Variants in LRRC27 observed in about 807,000 individuals in gnomAD.
LRRC27 encodes leucine rich repeat containing 27, also known as leucine-rich repeat-containing protein 27.
A neutral mutation model predicts 55.0 loss-of-function variants in LRRC27; 57 were observed. That is an observed-to-expected ratio of 1.04 (90% confidence interval 0.84 to 1.29). The LOEUF is 1.29. Ranked by LOEUF, LRRC27 falls within the 50% of genes most tolerant of loss-of-function variation. LRRC27 has a pLI of 0.00. For synonymous variants in LRRC27, 278 were observed against 251.9 expected (o/e 1.10, Z -0.98); for missense variants, 721 against 651.5 (o/e 1.11, Z -1.16).
chr10:132,375,476 C>T lies in LRRC27; in HGVS notation c.*234C>T, dbSNP rs1398698325. 2 of 442,020 alleles carry T rather than the reference C, an allele frequency of 4.5e-6. No homozygotes were observed. The highest frequency in any genetic ancestry group is 4.0e-5 in the East Asian group (1 of 25,078). The allele number at this position is 442,020 out of a possible 1,614,324, so 27.4% of individuals were successfully genotyped here. The stretch of plus-strand genomic sequence containing the variant: ...ACTGTGAGCACGTGGTCTCGCCTTC[C>T]CTTCTTCCTGCAGGTTCCCGCCAAG... On this transcript the variant is annotated 3_prime_UTR_variant, in exon 11 of 11. Transcript: ENST00000368614.
chr10:132,339,050 T>C (rs1008786705), intron 3 of LRRC27, among the ~76,000 whole-genome samples: 1 of 152,170 alleles, frequency 6.6e-6, no homozygotes, highest in African/African-American at 2.4e-5. Flanking sequence ...GAAGGCCCCA[T>C]ATCAGCTGGG....
intron 9 of LRRC27, among the ~76,000 whole-genome samples, chr10:132,365,059 A>G (rs2068997969): frequency 6.6e-6 from 1 of 152,284 alleles, no homozygotes; most frequent in Admixed American, 6.5e-5. Context: ...AAAACCGTGT[A>G]TTCCATGTGG....
chr10:132,345,674 G>A (rs2067648722), intron 5 of LRRC27, among the ~76,000 whole-genome samples: 1 of 152,234 alleles, frequency 6.6e-6, no homozygotes, highest in Non-Finnish European at 1.5e-5. Context: ...GTGGGGGCAG[G>A]TAGCTGAGGG....
chr10:132,333,321 T>G (rs1367069459), intron 1 of LRRC27, among the ~76,000 whole-genome samples, 156 bp from the exon 2 acceptor site: 2 of 152,092 alleles, frequency 1.3e-5, no homozygotes, highest in Non-Finnish European at 2.9e-5. Context: ...TTCCTTTTTT[T>G]TTTTTTTACA....
intron 9 of LRRC27, among the ~76,000 whole-genome samples, chr10:132,364,052 A>C (rs2068780943): frequency 1.3e-5 from 2 of 152,120 alleles, no homozygotes; most frequent in South Asian, 4.1e-4. Context: ...ACAGCAGACC[A>C]CAGTGGCCCG....
At position 132,342,194 on chromosome 10, in the gene LRRC27, GT is replaced by G; in HGVS notation, c.342-15del. The G allele has an allele frequency of 1.4e-6, 2 of 1,479,804 alleles. No individual in the cohort carries two copies. Among genetic ancestry groups the G allele is most frequent in the Non-Finnish European group, 1.8e-6 (2 of 1,103,452 alleles). 91.7% of individuals were successfully genotyped at this position (1,479,804 alleles called of 1,614,324 possible). On this transcript the variant is annotated intron_variant, in intron 3 of 10. Transcript: ENST00000368614. ...TAAATCTTGCTTTTTAAATTTTTTTGTTTTGTTTTGCTTTAAAGGCATTTGA... is the reference window on the plus strand; with the variant it reads ...TAAATCTTGCTTTTTAAATTTTTTTGTTTGTTTTGCTTTAAAGGCATTTGA...
intron 8 of LRRC27, among the ~76,000 whole-genome samples, chr10:132,356,678 C>G (rs1315434971): frequency 6.6e-6 from 1 of 152,256 alleles, no homozygotes; most frequent in Non-Finnish European, 1.5e-5. Context: ...ACAGTCCTCT[C>G]TTCCCATTTT....
rs1271379025 is a variant in LRRC27 at position 132,376,220 on chromosome 10, G to A, written c.*978G>A. The A allele has an allele frequency of 6.6e-6, 1 of 152,060 alleles. No homozygotes were observed. Among genetic ancestry groups the A allele is most frequent in the Non-Finnish European group, 1.5e-5 (1 of 68,002 alleles). The allele number at this position is 152,060 out of a possible 1,614,324, so 9.4% of individuals were successfully genotyped here. On this transcript the variant is annotated 3_prime_UTR_variant, in exon 11 of 11. Transcript: ENST00000368614. ...TTCTTGCTATGGATTTATCAATTTT[G>A]TTCCTCTTTTCCAAAAGCCCCAGGT... is the stretch of plus-strand genomic sequence containing the variant.
intron 4 of LRRC27, among the ~76,000 whole-genome samples, chr10:132,342,803 C>T (rs531964185): frequency 1.3e-5 from 2 of 152,200 alleles, no homozygotes; most frequent in South Asian, 4.1e-4. Flanking sequence ...GAAAAAATGT[C>T]TAAAATTCTG....
Position 132,348,879 on chromosome 10 carries a change from T to G in LRRC27, c.926+523T>G. The G allele has an allele frequency of 1.1e-6, 1 of 913,406 alleles. No homozygotes were observed. The allele number at this position is 913,406 out of a possible 1,614,324, so 56.6% of individuals were successfully genotyped here. The stretch of plus-strand genomic sequence containing the variant: ...CCTGGGGACAAAAGGAAGGCAGTCA[T>G]TGTGTGGCCCACTTCCAAAGCTTGC... On this transcript the variant is annotated intron_variant, in intron 6 of 10. Transcript: ENST00000368614. This position sits in a 1 kb window ranked among gnomAD's most constrained non-coding sequence, Gnocchi z 4.2.
chr10:132,357,138 G>C (rs552197157), intron 8 of LRRC27, among the ~76,000 whole-genome samples: 2 of 152,288 alleles, frequency 1.3e-5, no homozygotes, highest in East Asian at 1.9e-4. Flanking sequence ...CTTCCCTGAT[G>C]GTGACATCTT....
chr10:132,359,035 A>G (rs150186501), intron 8 of LRRC27, among the ~76,000 whole-genome samples: 57 of 1,930 alleles, frequency 0.03, 1 homozygote, highest in Admixed American at 0.052. Context: ...AGCCGAGGTG[A>G]TGGAGCAGTG....
chr10:132,343,033 C>T (rs539183194), intron 4 of LRRC27, among the ~76,000 whole-genome samples: 2 of 152,300 alleles, frequency 1.3e-5, no homozygotes, highest in East Asian at 3.9e-4. Context: ...TGAGACCACG[C>T]ATAGTGGCTC....
intron 4 of LRRC27, among the ~76,000 whole-genome samples, chr10:132,344,152 C>G (rs1251111501): frequency 1.3e-5 from 2 of 152,136 alleles, no homozygotes; most frequent in African/African-American, 4.8e-5. Context: ...GTACATTTTC[C>G]TTTTCTTTGC....
At position 132,338,714 on chromosome 10, in the gene LRRC27, T is replaced by A. The variant is rs536147327; in HGVS notation, c.341+1019T>A. 5.7e-3 allele frequency among the ~76,000 whole-genome samples: 860 copies of A among 149,782 alleles called. 6 individuals are homozygous for A. The highest frequency in any genetic ancestry group is 0.019 in the African/African-American group (784 of 40,884). Reference sequence around the variant, plus strand: ...CTCTTTTTCTTTTCTTTCTTTCTTTTTTTTTTTTTTTTTGAGACGGAATCT... The same window carrying A: ...CTCTTTTTCTTTTCTTTCTTTCTTTATTTTTTTTTTTTTGAGACGGAATCT... On this transcript the variant is annotated intron_variant, in intron 3 of 10. Transcript: ENST00000368614.
In LRRC27 at chr10:132,333,710, G is replaced by T. The variant is rs1167659297; in HGVS notation, c.186G>T (p.Glu62Asp). The T allele has an allele frequency of 2.2e-5, 36 of 1,613,318 alleles. No individual in the cohort carries two copies. Among genetic ancestry groups the T allele is most frequent in the Non-Finnish European group, 2.9e-5 (34 of 1,180,016 alleles). Residue 62 changes from glutamate to aspartate, a missense_variant, in exon 2 of 11, where the codon GAG (glutamate) becomes GAT (aspartate). By Grantham distance (45) the Glu-to-Asp change is conservative. Transcript: ENST00000368614. ...AAAGTGGTCTGTGCCGTTTGGAGGA[G>T]GTCTTTAGAATCCCCAGCCTTCAAG... ...LSESGLCRLE[E>D]VFRIPSLQQL...
In LRRC27 at chr10:132,375,743, C is replaced by T. The variant is rs1478906763; in HGVS notation, c.*501C>T. On this transcript the variant is annotated 3_prime_UTR_variant, in exon 11 of 11. Transcript: ENST00000368614. The stretch of plus-strand genomic sequence containing the variant: ...TGCTCCCTGCCCAGTGACAAGCCCT[C>T]CTTTCCCCTGGGGGCCCTCCTTTCC... 1.3e-5 allele frequency: 2 copies of T among 152,802 alleles called. No homozygotes were observed. Among genetic ancestry groups the T allele is most frequent in the Non-Finnish European group, 2.9e-5 (2 of 68,574 alleles). The allele number at this position is 152,802 out of a possible 1,614,324, so 9.5% of individuals were successfully genotyped here.
chr10:132,371,558 G>T lies in LRRC27; in HGVS notation c.1417-3508G>T, dbSNP rs1198286176. Reference sequence around the variant, plus strand: ...AGGATGAGGAAATGGAGAGGAGGCTGCCTGCTTGTCAGGAGGCTCCCCCTC... The same window carrying T: ...AGGATGAGGAAATGGAGAGGAGGCTTCCTGCTTGTCAGGAGGCTCCCCCTC... On this transcript the variant is annotated intron_variant, in intron 10 of 10. Coordinates refer to ENST00000368614, the MANE Select transcript of LRRC27 (RefSeq NM_030626.3). Among the ~76,000 whole-genome samples, 3 of 152,190 alleles carry T rather than the reference G, an allele frequency of 2.0e-5. No individual in the cohort carries two copies. The South Asian group carries it at 6.2e-4, about 32-fold the overall frequency.
rs561026537 is a variant in LRRC27 at position 132,351,556 on chromosome 10, C to T, written c.927-51C>T. 4.6e-5 allele frequency: 72 copies of T among 1,582,342 alleles called. No homozygotes were observed. In the African/African-American group the frequency reaches 9.2e-4, roughly 20 times the overall value. ...TACATTTCACATGTTGTATGAATTA[C>T]CGTCACAGGGTTTTGTTAAACATTC... On this transcript the variant is annotated intron_variant, in intron 6 of 10. Transcript: ENST00000368614.
Sources: allele counts gnomAD v4.1 joint callset (sites outside exome capture counted in the v4.1 genomes callset), GRCh38; gene constraint gnomAD v4.1.1; non-coding constraint Gnocchi (gnomAD v3.1); transcripts MANE v1.5; gene names NCBI Gene and HGNC (gene_info 2026-07-23, HGNC 2026-07-21).